Variants in RTCA observed in about 807,000 individuals in gnomAD.
RTCA encodes the protein RNA terminal phosphate cyclase domain 1.
Under a neutral mutation model 46.1 loss-of-function variants are expected in RTCA, and 37 were observed. The ratio of observed to expected loss-of-function variants is 0.80; its 90% CI spans 0.62 to 1.06. The LOEUF (loss-of-function observed/expected upper bound fraction) is 1.06, where lower values mean the gene tolerates loss of function less well. Ranked by LOEUF, RTCA falls within the 50% of genes least tolerant of loss-of-function variation. The pLI is 0.00. For missense variants in RTCA, 435 were observed against 455.5 expected (o/e 0.95, Z 0.41); for synonymous variants, 164 against 158.3 (o/e 1.04, Z -0.27).
At chr1:100,281,424 T>G in intron 8 of RTCA, 2 of 433,100 alleles carry the variant, frequency 4.6e-6, no homozygotes, top group South Asian at 3.4e-5. Flanking sequence ...AAAAATGATA[T>G]TGGACCGTGA....
chr1:100,287,638 T>C (rs1340804977), intron 10 of RTCA, among the ~76,000 whole-genome samples: 1 of 152,104 alleles, frequency 6.6e-6, no homozygotes, highest in Non-Finnish European at 1.5e-5. Flanking sequence ...TATAAAATTT[T>C]AGACATTTTA....
chr1:100,275,934 C>G (rs1666345473), intron 7 of RTCA, among the ~76,000 whole-genome samples: 1 of 152,026 alleles, frequency 6.6e-6, no homozygotes, highest in Non-Finnish European at 1.5e-5. Context: ...CTCCTGGGTT[C>G]ATGCCATTCT....
At chr1:100,273,147 C>T (rs527849822) in intron 4 of RTCA, among the ~76,000 whole-genome samples, 1 of 152,204 alleles carries the variant, frequency 6.6e-6, no homozygotes, top group South Asian at 2.1e-4. Flanking sequence ...TATCAAATAT[C>T]CTAAGTTCCA....
chr1:100,286,805 C>T (rs1191931998), intron 9 of RTCA, among the ~76,000 whole-genome samples: 1 of 152,082 alleles, frequency 6.6e-6, no homozygotes, highest in Admixed American at 6.6e-5. Flanking sequence ...ATTATATATA[C>T]CAACTTGTAG....
At chr1:100,270,826 T>C in intron 4 of RTCA, 146 bp downstream of exon 4, 2 of 998,534 alleles carry the variant, frequency 2.0e-6, no homozygotes, top group East Asian at 2.6e-5. Context: ...TTTTTTTTTT[T>C]GAGACAGTGC....
intron 10 of RTCA, among the ~76,000 whole-genome samples, chr1:100,289,973 T>G (rs1393261654): frequency 6.6e-6 from 1 of 152,234 alleles, no homozygotes; most frequent in Non-Finnish European, 1.5e-5. Flanking sequence ...GTGTTTCATA[T>G]TTACATAATG....
chr1:100,282,993 C>T (rs1666796300), intron 8 of RTCA, among the ~76,000 whole-genome samples: 1 of 150,684 alleles, frequency 6.6e-6, no homozygotes, highest in Non-Finnish European at 1.5e-5. Context: ...GACAGAGTTT[C>T]ACCATGTTGG....
rs1326248966 is a variant in RTCA at position 100,281,739 on chromosome 1, C to T, written c.800-3489C>T. 4.0e-5 allele frequency among the ~76,000 whole-genome samples: 6 copies of T among 150,746 alleles called. No homozygotes were observed. The South Asian group carries it at 8.4e-4, about 21-fold the overall frequency. Reference sequence around the variant, plus strand: ...TTGTTTTTGTTTTTTTTTTTCGAGACGGAATCTTGCTTTGTCGCCCAGGCT... The same window carrying T: ...TTGTTTTTGTTTTTTTTTTTCGAGATGGAATCTTGCTTTGTCGCCCAGGCT... On this transcript the variant is annotated intron_variant, in intron 8 of 10. Coordinates refer to ENST00000370128, the MANE Select transcript of RTCA (RefSeq NM_003729.4).
intron 5 of RTCA, among the ~76,000 whole-genome samples, chr1:100,274,575 C>T (rs948160594): frequency 6.6e-6 from 1 of 152,140 alleles, no homozygotes; most frequent in Non-Finnish European, 1.5e-5. Flanking sequence ...GCTAGTGCAG[C>T]TGGGGAGCTG....
intron 8 of RTCA, among the ~76,000 whole-genome samples, chr1:100,282,342 A>C (rs1666754440): frequency 6.6e-6 from 1 of 152,324 alleles, no homozygotes; most frequent in South Asian, 2.1e-4. Context: ...TAGTACTACA[A>C]AGCCGGAAGT....
In RTCA at chr1:100,266,563, C is replaced by G. The variant is rs1351968752; in HGVS notation, c.85C>G (p.Leu29Val). The change falls in exon 2 of 11, where the codon CTC becomes GTC. Residue 29 changes from leucine (L) to valine (V), a missense_variant. Transcript: ENST00000370128. ...ILRVSTALSC[L>V]LGLPLRVQKI... ...GAGAGTCTCTACGGCCTTGAGCTGT[C>G]TCCTAGGCCTCCCCTTGCGGGTGCA... 6.2e-7 allele frequency: 1 copy of G among 1,613,928 alleles called. No individual in the cohort carries two copies. The highest frequency in any genetic ancestry group is 2.2e-5 in the East Asian group (1 of 44,884).
Position 100,266,602 on chromosome 1 carries a change from G to A in RTCA, c.124G>A (p.Gly42Ser). ...CTTGCGGGTGCAGAAGATCCGAGCC[G>A]GCCGGAGCACGCCAGGCCTGAGGTA... Reference protein sequence around the residue: ...LPLRVQKIRAGRSTPGLRPQH... With the variant: ...LPLRVQKIRASRSTPGLRPQH... Residue 42 changes from glycine (G) to serine (S), a missense_variant, in exon 2 of 11, where the codon GGC (glycine) becomes AGC (serine). Transcript: ENST00000370128. The A allele has an allele frequency of 6.2e-7, 1 of 1,613,404 alleles. No individual in the cohort carries two copies. Among genetic ancestry groups the A allele is most frequent in the Non-Finnish European group, 8.5e-7 (1 of 1,179,618 alleles).
At chr1:100,279,134 CAG>C (rs769866203) in intron 8 of RTCA, among the ~76,000 whole-genome samples, 1 of 152,258 alleles carries the variant, frequency 6.6e-6, no homozygotes, top group African/African-American at 2.4e-5. Flanking sequence ...AGACTAGGAG[CAG>C]ACATATTACA....
intron 10 of RTCA, among the ~76,000 whole-genome samples, chr1:100,290,111 AC>A (rs1255352668): frequency 6.6e-6 from 1 of 152,232 alleles, no homozygotes; most frequent in Non-Finnish European, 1.5e-5. Context: ...TCAGTACATT[AC>A]CATGTAATGC....
intron 9 of RTCA, 128 bp from the exon 10 acceptor site, chr1:100,286,971 C>A: frequency 4.8e-6 from 3 of 631,030 alleles, no homozygotes; most frequent in Non-Finnish European, 2.5e-6. Flanking sequence ...GTCTGGAAAC[C>A]TAAAGAAATA....
chr1:100,287,308 C>T, intron 10 of RTCA, 105 bp downstream of exon 10: 1 of 712,158 alleles, frequency 1.4e-6, no homozygotes, highest in Non-Finnish European at 2.2e-6. Context: ...ATTGCTATCA[C>T]TGTTTCCTGT....
At chr1:100,283,264 G>A (rs984895340) in intron 8 of RTCA, among the ~76,000 whole-genome samples, 12 of 145,970 alleles carry the variant, frequency 8.2e-5, no homozygotes, top group Non-Finnish European at 4.5e-5. Context: ...TCCGCCTCCC[G>A]AGTTCAAGAG....
Position 100,275,585 on chromosome 1 carries a change from T to C in RTCA, c.616-14T>C. ...GTAATTGTTTTATTCTATTTTTCTG[T>C]CTTGCTAAAATAGGTAGCAAAAGAT... is the stretch of plus-strand genomic sequence containing the variant. On this transcript the variant is annotated splice_polypyrimidine_tract_variant and intron_variant, in intron 6 of 10. Transcript: ENST00000370128. 2 of 1,586,442 alleles carry C rather than the reference T, an allele frequency of 1.3e-6. No homozygotes were observed. Among genetic ancestry groups the C allele is most frequent in the Non-Finnish European group, 1.7e-6 (2 of 1,168,370 alleles).
chr1:100,277,167 C>G (rs752834790), intron 7 of RTCA, 91 bp from the exon 8 acceptor site: 6 of 1,196,792 alleles, frequency 5.0e-6, no homozygotes, highest in Non-Finnish European at 7.4e-6. Context: ...TTTAGTTCTG[C>G]CTATTTAATA....
Sources: gnomAD v4.1 joint callset for allele counts (sites outside exome capture counted in the v4.1 genomes callset) on GRCh38, gnomAD v4.1.1 for gene constraint, MANE v1.5 for transcripts, NCBI Gene and HGNC (gene_info 2026-07-23, HGNC 2026-07-21) for gene names.